The following EPB41L3 variants were observed in gnomAD, a reference collection of about 807,000 sequenced individuals.
EPB41L3 encodes the protein erythrocyte membrane protein band 4.1 like 3, also known as band 4.1-like protein 3.
Under a neutral mutation model 127.1 loss-of-function variants are expected in EPB41L3, and 57 were observed. The ratio of observed to expected loss-of-function variants is 0.45; its 90% CI spans 0.36 to 0.56. The LOEUF is 0.56. Ranked by LOEUF, EPB41L3 falls within the 20% of genes least tolerant of loss-of-function variation. The pLI is 0.00. For synonymous variants in EPB41L3, 572 were observed against 549.5 expected (o/e 1.04, Z -0.57); for missense variants, 1,273 against 1,372.2 (o/e 0.93, Z 1.14).
At chr18:5,475,972 G>A (rs1427082857) in intron 3 of EPB41L3, among the ~76,000 whole-genome samples, 1 of 152,098 alleles carries the variant, frequency 6.6e-6, no homozygotes, top group East Asian at 1.9e-4. Flanking sequence ...TGTTTACCTA[G>A]TATGCCCCGT....
At chr18:5,604,028 C>CACACACACGTGCACACACAA (rs1555816589) in intron 3 of EPB41L3, among the ~76,000 whole-genome samples, 7 of 151,790 alleles carry the variant, frequency 4.6e-5, no homozygotes, top group Non-Finnish European at 8.8e-5. Context: ...CACGTGCACA[C>CACACACACGTGCACACACAA]ACACACAGAC....
chr18:5,549,172 T>TA (rs1311856687), upstream of EPB41L3, among the ~76,000 whole-genome samples: 4 of 152,336 alleles, frequency 2.6e-5, no homozygotes, highest in Admixed American at 2.0e-4. Context: ...ATAACTACTC[T>TA]AAGGAAAAAG....
At chr18:5,434,301 G>A (rs1483026466) in intron 6 of EPB41L3, among the ~76,000 whole-genome samples, 180 bp from the exon 7 acceptor site, 1 of 152,174 alleles carries the variant, frequency 6.6e-6, no homozygotes. Context: ...AGATAGAAGG[G>A]AAAAATATTT....
upstream of EPB41L3, among the ~76,000 whole-genome samples, chr18:5,629,253 G>A (rs1337928198): frequency 6.6e-6 from 1 of 151,942 alleles, no homozygotes. Flanking sequence ...GGGGTACCGG[G>A]AGCTGGAGCT....
At position 5,394,696 on chromosome 18, in the gene EPB41L3, T is replaced by C; in HGVS notation, c.3251A>G (p.Asp1084Gly). Residue 1084 changes from aspartate (D) to glycine (G), a missense_variant, in exon 22 of 23, where the codon GAT (aspartate) becomes GGT (glycine). Around this residue, in one of 3 missense-constraint regions of EPB41L3, gnomAD observed 765 missense variants for 782.9 expected, o/e 0.98. Coordinates refer to ENST00000341928, the MANE Select transcript of EPB41L3 (RefSeq NM_012307.5). ...TCTTACCTCTGGTCAATCCTCTCCA[T>C]CTTCTGGTGTGATCTCTGTCTCTTT... is the stretch of plus-strand genomic sequence containing the variant. The part of the protein sequence containing the change: ...VHKETEITPE[D>G]GED 1 of 1,614,064 alleles carries C rather than the reference T, an allele frequency of 6.2e-7. No homozygotes were observed. The highest frequency in any genetic ancestry group is 8.5e-7 in the Non-Finnish European group (1 of 1,179,926).
chr18:5,596,560 C>T (rs1473030306), intron 3 of EPB41L3, among the ~76,000 whole-genome samples: 4 of 152,050 alleles, frequency 2.6e-5, no homozygotes, highest in African/African-American at 4.8e-5. Flanking sequence ...GTGTCTCAGC[C>T]GTAGACACTC....
At chr18:5,465,724 A>G (rs1006324176) in intron 3 of EPB41L3, among the ~76,000 whole-genome samples, 16 of 152,312 alleles carry the variant, frequency 1.1e-4, no homozygotes, top group African/African-American at 3.8e-4. Flanking sequence ...ACAACTGAGG[A>G]CTTCTGGGGA....
At chr18:5,575,363 T>C (rs1487707104) in intron 3 of EPB41L3, among the ~76,000 whole-genome samples, 1 of 152,126 alleles carries the variant, frequency 6.6e-6, no homozygotes, top group Non-Finnish European at 1.5e-5. Flanking sequence ...CATGAATGGC[T>C]TGGTGCTGCC....
intron 1 of EPB41L3, among the ~76,000 whole-genome samples, chr18:5,534,978 A>G (rs2093525330): frequency 6.6e-6 from 1 of 152,054 alleles, no homozygotes. Flanking sequence ...ATTCCCCACC[A>G]CTGGGCCAAG....
At chr18:5,575,069 G>T (rs2094324200) in intron 3 of EPB41L3, among the ~76,000 whole-genome samples, 1 of 152,086 alleles carries the variant, frequency 6.6e-6, no homozygotes, top group Non-Finnish European at 1.5e-5. Flanking sequence ...ACTAACTAGG[G>T]TTACATCATG....
intron 6 of EPB41L3, among the ~76,000 whole-genome samples, chr18:5,437,043 G>A (rs558603413): frequency 9.2e-5 from 14 of 152,260 alleles, no homozygotes; most frequent in African/African-American, 2.2e-4. Flanking sequence ...AACTTACTAC[G>A]GAGCTGAGCA....
chr18:5,488,413 G>A (rs574457509), intron 2 of EPB41L3, among the ~76,000 whole-genome samples: 10 of 151,726 alleles, frequency 6.6e-5, no homozygotes, highest in African/African-American at 2.2e-4. Context: ...GGGGCCTGTC[G>A]GGGACTGGGG....
intron 1 of EPB41L3, among the ~76,000 whole-genome samples, chr18:5,516,618 G>A (rs28551674): frequency 0.024 from 3,624 of 152,302 alleles, 141 homozygotes; most frequent in African/African-American, 0.082. Context: ...TGACTGTCGT[G>A]GATATCAGCT....
rs375430348 is a variant in EPB41L3, at chr18:5,415,872, C to G, written c.2013G>C (p.Ala671=). 8 of 1,613,598 alleles carry G rather than the reference C, an allele frequency of 5.0e-6. 1 individual carries two copies. In the South Asian group the frequency reaches 8.8e-5, roughly 18 times the overall value. The change falls in exon 13 of 23, where the codon GCG becomes GCC. Residue 671 remains alanine (A), a synonymous_variant. Transcript: ENST00000341928. ...TGTCTAGGGAGGCGCTCAAGGAGGC[C>G]GCCTTGGGCTCCAGGTAGCAGAGGC... is the stretch of plus-strand genomic sequence containing the variant. The part of the protein sequence containing the change: ...ALCLCYLEPK[A]ASLSASLDND...
intron 3 of EPB41L3, among the ~76,000 whole-genome samples, chr18:5,560,883 G>A (rs2094115479): frequency 6.6e-6 from 1 of 151,830 alleles, no homozygotes; most frequent in Admixed American, 6.6e-5. Context: ...ACTAGTGATC[G>A]GCTGCATGAC....
At chr18:5,551,131 T>C (rs1012582835) in intron 3 of EPB41L3, among the ~76,000 whole-genome samples, 6 of 152,194 alleles carry the variant, frequency 3.9e-5, no homozygotes, top group African/African-American at 1.4e-4. Context: ...ATTAAGTCTA[T>C]TTTGGAATTT....
intron 3 of EPB41L3, among the ~76,000 whole-genome samples, chr18:5,460,929 C>A (rs1423320019): frequency 6.6e-6 from 1 of 152,082 alleles, no homozygotes; most frequent in African/African-American, 2.4e-5. Flanking sequence ...AGCCTAAGTC[C>A]TTGCTAGAAC....
At chr18:5,448,385 A>G (rs1375078257) in intron 3 of EPB41L3, among the ~76,000 whole-genome samples, 1 of 152,036 alleles carries the variant, frequency 6.6e-6, no homozygotes, top group Non-Finnish European at 1.5e-5. Context: ...TTTCTAGCAT[A>G]TTATTCAACT....
At chr18:5,455,024 G>A (rs979394893) in intron 3 of EPB41L3, among the ~76,000 whole-genome samples, 1 of 152,118 alleles carries the variant, frequency 6.6e-6, no homozygotes, top group Non-Finnish European at 1.5e-5. Flanking sequence ...AAACCTCTCT[G>A]AGCTTCATTG....
Sources: gnomAD v4.1 joint callset for allele counts (sites outside exome capture counted in the v4.1 genomes callset) on GRCh38, gnomAD v4.1.1 for gene constraint, gnomAD v4.1.1 regional missense constraint, MANE v1.5 for transcripts, NCBI Gene and HGNC (gene_info 2026-07-23, HGNC 2026-07-21) for gene names.